Variants in ERC2 observed in about 807,000 individuals in gnomAD.
ERC2 encodes the protein ELKS/RAB6-interacting/CAST family member 2.
ERC2 carries 42 observed loss-of-function variants against 114.8 expected under a neutral mutation model. The ratio of observed to expected loss-of-function variants is 0.37; its 90% confidence interval spans 0.29 to 0.47. The LOEUF is 0.47. ERC2 is among the 20% of genes least tolerant of loss of function. The probability of loss-of-function intolerance (pLI) is 0.99; values close to 1 mark genes in which losing one functional copy is unlikely to be tolerated. For synonymous variants in ERC2, 454 were observed against 425.5 expected, an observed-to-expected ratio of 1.07 and a Z score of -0.82; for missense variants, 939 against 1,150.7, an observed-to-expected ratio of 0.82 and a Z score of 2.66.
intron 17 of ERC2, among the ~76,000 whole-genome samples, chr3:55,622,058 T>A (rs757908907): frequency 6.6e-6 from 1 of 152,230 alleles, no homozygotes; most frequent in Non-Finnish European, 1.5e-5. Flanking sequence ...AATTTTTCCA[T>A]CCGAATCTGT....
chr3:55,908,267 C>G (rs1450717878), intron 13 of ERC2, among the ~76,000 whole-genome samples: 2 of 152,064 alleles, frequency 1.3e-5, no homozygotes, highest in East Asian at 3.9e-4. Flanking sequence ...AGAAAAATAT[C>G]CTGCCTGAAT....
At chr3:56,036,709 A>G (rs2074827745) in intron 7 of ERC2, among the ~76,000 whole-genome samples, 1 of 152,172 alleles carries the variant, frequency 6.6e-6, no homozygotes, top group Non-Finnish European at 1.5e-5. Flanking sequence ...GGCAGTGAGT[A>G]ATTGTGCTAC....
At chr3:55,578,694 C>T (rs984360485) in intron 17 of ERC2, among the ~76,000 whole-genome samples, 4 of 152,178 alleles carry the variant, frequency 2.6e-5, no homozygotes, top group East Asian at 1.9e-4. Context: ...GCTCATGAGT[C>T]CACAGGTCAG....
intron 3 of ERC2, among the ~76,000 whole-genome samples, chr3:56,196,200 G>T (rs2048092295): frequency 6.6e-6 from 1 of 152,080 alleles, no homozygotes; most frequent in South Asian, 2.1e-4. Context: ...TGGGGCAGGG[G>T]ATGGGCATGC....
At chr3:56,343,264 T>C (rs1384790198) in intron 2 of ERC2, among the ~76,000 whole-genome samples, 1 of 149,036 alleles carries the variant, frequency 6.7e-6, no homozygotes, top group Non-Finnish European at 1.5e-5. Flanking sequence ...CACCAGGCTG[T>C]GTAAGAAGCT....
At chr3:55,549,469 C>T (rs200586351) in intron 17 of ERC2, among the ~76,000 whole-genome samples, 3 of 144,588 alleles carry the variant, frequency 2.1e-5, no homozygotes, top group African/African-American at 5.0e-5. Context: ...GAGCAAATGC[C>T]GCCTTACCTT....
intron 4 of ERC2, among the ~76,000 whole-genome samples, chr3:56,170,642 G>A (rs1007118033): frequency 1.7e-4 from 24 of 137,446 alleles, no homozygotes; most frequent in African/African-American, 6.2e-4. Flanking sequence ...TGTCACCCAG[G>A]CTGGAGTGCA....
At chr3:56,343,523 C>T (rs938039655) in intron 2 of ERC2, among the ~76,000 whole-genome samples, 1 of 151,990 alleles carries the variant, frequency 6.6e-6, no homozygotes, top group African/African-American at 2.4e-5. Context: ...AAGGCTGAAG[C>T]AGGAGGATCT....
At chr3:56,024,141 C>T (rs79293738) in intron 7 of ERC2, among the ~76,000 whole-genome samples, 2,320 of 152,234 alleles carry the variant, frequency 0.015, 18 homozygotes, top group African/African-American at 0.032. Context: ...GCAACAGAAA[C>T]AGCTCAGTCT....
At chr3:55,951,130 G>A (rs2067472313) in intron 12 of ERC2, among the ~76,000 whole-genome samples, 2 of 152,166 alleles carry the variant, frequency 1.3e-5, no homozygotes, top group African/African-American at 2.4e-5. Flanking sequence ...GGGTGGATGT[G>A]GGTGGGAGAT....
chr3:55,520,629 T>C (rs944081694), intron 17 of ERC2, among the ~76,000 whole-genome samples: 1 of 151,446 alleles, frequency 6.6e-6, no homozygotes, highest in African/African-American at 2.4e-5. Context: ...ATTTCAAGCT[T>C]GATAAAAAGA....
At chr3:55,636,850 C>A (rs1467211050) in intron 17 of ERC2, among the ~76,000 whole-genome samples, 1 of 152,184 alleles carries the variant, frequency 6.6e-6, no homozygotes, top group Admixed American at 6.5e-5. Context: ...ACAAACCAGA[C>A]CTGATTTGCA....
At chr3:55,578,777 C>G (rs1250913185) in intron 17 of ERC2, among the ~76,000 whole-genome samples, 2 of 152,152 alleles carry the variant, frequency 1.3e-5, no homozygotes, top group African/African-American at 4.8e-5. Context: ...CTGTGCTGAT[C>G]TTGGCAGGGC....
intron 2 of ERC2, among the ~76,000 whole-genome samples, chr3:56,372,406 A>G (rs1182360521): frequency 2.0e-5 from 3 of 152,188 alleles, no homozygotes; most frequent in African/African-American, 4.8e-5. Flanking sequence ...AACGCTTTGT[A>G]AAGATTAGGA....
rs143581838 is a variant in ERC2, at chr3:56,153,535, T to A, written c.1150-4403A>T. On this transcript the variant is annotated intron_variant, in intron 4 of 17. Transcript: ENST00000288221. ...CCAAATACATTTAGAAAAACATGAA[T>A]CTAGTTTCAAGAGCCATCCAACTTA... Among the ~76,000 whole-genome samples the A allele has an allele frequency of 1.8e-4, 27 of 152,242 alleles. No homozygotes were observed. In the East Asian group the frequency reaches 5.0e-3, roughly 28 times the overall value.
intron 17 of ERC2, among the ~76,000 whole-genome samples, chr3:55,628,169 C>T (rs976575176): frequency 6.6e-6 from 1 of 152,116 alleles, no homozygotes; most frequent in African/African-American, 2.4e-5. Flanking sequence ...TCTTGTTTAA[C>T]CTGGACAATG....
chr3:55,982,056 C>T (rs1387745506), intron 12 of ERC2, among the ~76,000 whole-genome samples: 1 of 152,164 alleles, frequency 6.6e-6, no homozygotes, highest in Non-Finnish European at 1.5e-5. Context: ...GAACCAGAGG[C>T]ATTCAATCTC....
At chr3:55,909,402 C>G (rs1244027361) in intron 13 of ERC2, among the ~76,000 whole-genome samples, 1 of 152,148 alleles carries the variant, frequency 6.6e-6, no homozygotes, top group Non-Finnish European at 1.5e-5. Context: ...GGTCTTTGTT[C>G]CCAAGAATCT....
chr3:56,084,818 A>T (rs571281758), intron 6 of ERC2, among the ~76,000 whole-genome samples: 1 of 151,812 alleles, frequency 6.6e-6, no homozygotes, highest in Admixed American at 6.6e-5. Flanking sequence ...CGATTTACTC[A>T]TGTAACCAAA....
Sources: gnomAD v4.1 joint callset for allele counts (sites outside exome capture counted in the v4.1 genomes callset) on GRCh38, gnomAD v4.1.1 for gene constraint, MANE v1.5 for transcripts, NCBI Gene and HGNC (gene_info 2026-07-23, HGNC 2026-07-21) for gene names.